The following ROCK1 variants were observed in gnomAD, a reference collection of about 807,000 sequenced individuals.
ROCK1 encodes the protein rho-associated protein kinase 1.
Under a neutral mutation model 196.8 loss-of-function variants are expected in ROCK1, and 36 were observed. The observed-to-expected ratio is 0.18, with a 90% CI of 0.14 to 0.24. ROCK1 has a LOEUF of 0.24. ROCK1 is among the 10% of genes least tolerant of loss of function. The probability of loss-of-function intolerance (pLI) is 1.00; values close to 1 mark genes in which losing one functional copy is unlikely to be tolerated. For missense variants in ROCK1, 920 were observed against 1,562.0 expected, an observed-to-expected ratio of 0.59 and a Z score of 6.93; for synonymous variants, 443 against 515.9, an observed-to-expected ratio of 0.86 and a Z score of 1.91.
intron 1 of ROCK1, among the ~76,000 whole-genome samples, chr18:21,075,466 A>G (rs766154672): frequency 6.6e-6 from 1 of 152,248 alleles, no homozygotes; most frequent in Non-Finnish European, 1.5e-5. Flanking sequence ...TTGGGATATC[A>G]TTTCATGAAT....
intron 13 of ROCK1, among the ~76,000 whole-genome samples, chr18:21,014,958 GATA>G: frequency 6.6e-6 from 1 of 152,238 alleles, no homozygotes; most frequent in Admixed American, 6.5e-5. Context: ...TTGTTTCTCT[GATA>G]ATAAAAAATT....
chr18:21,025,121 T>C (rs1328538956), intron 10 of ROCK1, among the ~76,000 whole-genome samples: 2 of 152,234 alleles, frequency 1.3e-5, no homozygotes, highest in East Asian at 1.9e-4. Flanking sequence ...ATCACTTGTA[T>C]ACATCCATTA....
chr18:21,003,723 A>G (rs1251388665), intron 16 of ROCK1, among the ~76,000 whole-genome samples: 1 of 152,166 alleles, frequency 6.6e-6, no homozygotes, highest in Non-Finnish European at 1.5e-5. Flanking sequence ...AGTACAGGTT[A>G]GGCATCCTTA....
intron 10 of ROCK1, among the ~76,000 whole-genome samples, 199 bp from the exon 11 acceptor site, chr18:21,023,879 TA>T (rs2035935217): frequency 6.6e-6 from 1 of 152,168 alleles, no homozygotes; most frequent in Non-Finnish European, 1.5e-5. Flanking sequence ...CAGTTAGGTC[TA>T]AAAATAGTAG....
intron 9 of ROCK1, among the ~76,000 whole-genome samples, chr18:21,034,769 C>T (rs2036042343): frequency 6.6e-6 from 1 of 152,036 alleles, no homozygotes; most frequent in African/African-American, 2.4e-5. Flanking sequence ...AAGATACAAG[C>T]AACAAAAGAA....
chr18:21,024,033 CCAAA>C (rs1461879657), intron 10 of ROCK1, among the ~76,000 whole-genome samples: 7 of 152,112 alleles, frequency 4.6e-5, no homozygotes, highest in Non-Finnish European at 8.8e-5. Context: ...GGTTTTTCCA[CCAAA>C]CAAATAACTT....
chr18:21,017,207 T>C (rs1218828862), intron 12 of ROCK1, among the ~76,000 whole-genome samples: 12 of 150,056 alleles, frequency 8.0e-5, no homozygotes, highest in Non-Finnish European at 5.9e-5. Context: ...TTTTTTTTTT[T>C]TTGAGATGAA....
At chr18:21,049,683 C>G in intron 3 of ROCK1, 97 bp downstream of exon 3, 1 of 799,886 alleles carries the variant, frequency 1.3e-6, no homozygotes, top group Non-Finnish European at 2.0e-6. Context: ...AGCAACAATT[C>G]TATAAAAACA....
chr18:21,091,133 C>G (rs2036566488), intron 1 of ROCK1, among the ~76,000 whole-genome samples: 1 of 151,794 alleles, frequency 6.6e-6, no homozygotes, highest in South Asian at 2.1e-4. Context: ...TCTCTGCCAC[C>G]CCTGATACAA....
intron 1 of ROCK1, among the ~76,000 whole-genome samples, chr18:21,104,199 A>C (rs1374203666): frequency 6.6e-6 from 1 of 152,222 alleles, no homozygotes; most frequent in African/African-American, 2.4e-5. Flanking sequence ...AAAACTTATA[A>C]TCGTGAAGCA....
intron 12 of ROCK1, among the ~76,000 whole-genome samples, chr18:21,015,924 G>A (rs985436958): frequency 1.3e-5 from 2 of 151,312 alleles, no homozygotes; most frequent in Admixed American, 1.3e-4. Context: ...AGGTTGCAGT[G>A]AGCCGAGATC....
intron 9 of ROCK1, among the ~76,000 whole-genome samples, chr18:21,031,481 T>C (rs1001568234): frequency 6.6e-6 from 1 of 151,570 alleles, no homozygotes; most frequent in Non-Finnish European, 1.5e-5. Context: ...GGCGGGCACC[T>C]GTAGTCCCAG....
At chr18:20,959,739 A>G (rs1233541832) in intron 29 of ROCK1, 101 bp downstream of exon 29, 3 of 529,522 alleles carry the variant, frequency 5.7e-6, no homozygotes, top group Non-Finnish European at 9.7e-6. Flanking sequence ...AGTAGGTAAC[A>G]GTGCTGAAGT....
rs563055959 is a variant in ROCK1, at chr18:21,028,287, G to A, written c.1211+489C>T. Among the ~76,000 whole-genome samples, 12 of 151,552 alleles carry A rather than the reference G, an allele frequency of 7.9e-5. No individual in the cohort carries two copies. In the East Asian group the frequency reaches 2.4e-3, roughly 30 times the overall value. On this transcript the variant is annotated intron_variant, in intron 10 of 32. Coordinates refer to ENST00000399799, the MANE Select transcript of ROCK1 (RefSeq NM_005406.3). ...AAAAATTAGCTGGGTGTGGTGGCAGGTACCTGTAATCCCAGCTACTCGGGA... is the reference window on the plus strand; with the variant it reads ...AAAAATTAGCTGGGTGTGGTGGCAGATACCTGTAATCCCAGCTACTCGGGA...
intron 1 of ROCK1, among the ~76,000 whole-genome samples, chr18:21,091,081 A>T (rs1273751108): frequency 1.3e-5 from 2 of 151,628 alleles, no homozygotes; most frequent in African/African-American, 4.8e-5. Flanking sequence ...TACACCGAGT[A>T]TGCCTCTCTT....
chr18:21,067,944 T>A (rs1225575796), intron 2 of ROCK1, among the ~76,000 whole-genome samples: 2 of 152,234 alleles, frequency 1.3e-5, no homozygotes, highest in African/African-American at 4.8e-5. Context: ...GATATCCAGT[T>A]GTCTGAACAC....
At chr18:20,958,858 TA>T in intron 29 of ROCK1, among the ~76,000 whole-genome samples, 1 of 128,688 alleles carries the variant, frequency 7.8e-6, no homozygotes, top group Non-Finnish European at 1.6e-5. Context: ...TTAATAGTTA[TA>T]AAATATATAT....
intron 9 of ROCK1, among the ~76,000 whole-genome samples, chr18:21,029,274 T>A (rs914022904): frequency 1.3e-5 from 2 of 152,164 alleles, no homozygotes; most frequent in African/African-American, 4.8e-5. Context: ...CAGAAAAGAC[T>A]TTTTAGAAAC....
chr18:21,088,586 T>A (rs1410529950), intron 1 of ROCK1, among the ~76,000 whole-genome samples: 3 of 152,336 alleles, frequency 2.0e-5, no homozygotes, highest in East Asian at 3.9e-4. Flanking sequence ...AAAGGGATCA[T>A]CTGAACAAAT....
Sources: allele counts gnomAD v4.1 joint callset (sites outside exome capture counted in the v4.1 genomes callset), GRCh38; gene constraint gnomAD v4.1.1; transcripts MANE v1.5; gene names NCBI Gene and HGNC (gene_info 2026-07-23, HGNC 2026-07-21).